Variants in LMBR1 observed in about 807,000 individuals in gnomAD.
LMBR1 encodes the protein limb development membrane protein 1.
LMBR1 carries 52 observed loss-of-function variants against 73.9 expected under a neutral mutation model. The ratio of observed to expected loss-of-function variants is 0.70; its 90% CI spans 0.56 to 0.89. The LOEUF (loss-of-function observed/expected upper bound fraction) is 0.89, where lower values mean the gene tolerates loss of function less well. LMBR1 is among the 40% of genes least tolerant of loss of function. The probability of loss-of-function intolerance (pLI) is 0.00; values close to 1 mark genes in which losing one functional copy is unlikely to be tolerated. For synonymous variants in LMBR1, 215 were observed against 209.4 expected (o/e 1.03, Z -0.23); for missense variants, 539 against 579.8 (o/e 0.93, Z 0.72).
chr7:156,886,645 G>A (rs1314922472), intron 1 of LMBR1, among the ~76,000 whole-genome samples: 5 of 152,230 alleles, frequency 3.3e-5, no homozygotes, highest in African/African-American at 1.2e-4. Context: ...GGGTCTGGCA[G>A]TGAGTGAGCT....
chr7:156,750,212 T>C (rs965256168), intron 9 of LMBR1, among the ~76,000 whole-genome samples: 3 of 152,224 alleles, frequency 2.0e-5, no homozygotes, highest in Non-Finnish European at 4.4e-5. Context: ...CCATAGGCTA[T>C]ACACACACAA....
At chr7:156,835,637 G>A (rs574670695) in intron 2 of LMBR1, among the ~76,000 whole-genome samples, 1 of 148,296 alleles carries the variant, frequency 6.7e-6, no homozygotes, top group East Asian at 2.0e-4. Context: ...GGAGGCTGCA[G>A]TAAGCCGAGA....
chr7:156,707,780 C>G (rs1195883446), intron 15 of LMBR1, among the ~76,000 whole-genome samples: 1 of 152,062 alleles, frequency 6.6e-6, no homozygotes, highest in African/African-American at 2.4e-5. Flanking sequence ...TGGAAAAAGA[C>G]AAGGATGTCA....
intron 9 of LMBR1, among the ~76,000 whole-genome samples, chr7:156,740,640 T>A (rs1266088312): frequency 6.6e-6 from 1 of 152,150 alleles, no homozygotes; most frequent in Non-Finnish European, 1.5e-5. Context: ...GAATAGTATA[T>A]CTGGTGAAAA....
intron 4 of LMBR1, among the ~76,000 whole-genome samples, chr7:156,815,326 C>A (rs1833746386): frequency 6.6e-6 from 1 of 151,830 alleles, no homozygotes; most frequent in Non-Finnish European, 1.5e-5. Context: ...ATTTAACCAG[C>A]AAAACCTATA....
intron 9 of LMBR1, among the ~76,000 whole-genome samples, chr7:156,739,214 G>A (rs1216928986): frequency 9.2e-5 from 14 of 152,156 alleles, no homozygotes. Flanking sequence ...GCTGGCAGTG[G>A]CAGGAGCAGG....
At chr7:156,812,810 C>T (rs1300909855) in intron 4 of LMBR1, among the ~76,000 whole-genome samples, 1 of 152,204 alleles carries the variant, frequency 6.6e-6, no homozygotes, top group Non-Finnish European at 1.5e-5. Flanking sequence ...CTTTCCAGTA[C>T]TCTGCCTGGT....
At chr7:156,690,335 G>T (rs149665332) in intron 15 of LMBR1, among the ~76,000 whole-genome samples, 1 of 152,110 alleles carries the variant, frequency 6.6e-6, no homozygotes, top group Non-Finnish European at 1.5e-5. Context: ...ACAGTCCAAC[G>T]ACTTACTTTA....
At chr7:156,801,185 T>C (rs548616468) in intron 4 of LMBR1, among the ~76,000 whole-genome samples, 2 of 152,298 alleles carry the variant, frequency 1.3e-5, no homozygotes, top group South Asian at 4.1e-4. Flanking sequence ...AAATCTTTTG[T>C]GAAAGGAAGA....
intron 3 of LMBR1, among the ~76,000 whole-genome samples, chr7:156,827,767 T>C (rs184001893): frequency 1.0e-3 from 155 of 152,314 alleles, no homozygotes; most frequent in African/African-American, 3.2e-3. Context: ...CAGAGAAACT[T>C]TGAGGCCAAT....
chr7:156,709,245 C>G (rs1248262913), intron 15 of LMBR1, among the ~76,000 whole-genome samples: 1 of 152,196 alleles, frequency 6.6e-6, no homozygotes, highest in Non-Finnish European at 1.5e-5. Context: ...ACCAACTGGC[C>G]AACCACATCA....
chr7:156,670,867 CCA>C lies in LMBR1; in HGVS notation n.867-1582_867-1581del, dbSNP rs1360437346. Reference sequence around the variant, plus strand: ...CCTTGCATGAGGAAGGAAAATGGCCCCAGACGGGAAATCTGAGATGTCAGTGG... The same window carrying C: ...CCTTGCATGAGGAAGGAAAATGGCCCGACGGGAAATCTGAGATGTCAGTGG... On this transcript the variant is annotated intron_variant and non_coding_transcript_variant, in intron 4 of 4. Coordinates refer to the LMBR1 transcript ENST00000430825. The surrounding 1 kb of genome is among the most constrained non-coding windows in gnomAD (Gnocchi z 4.3). 6.6e-6 allele frequency among the ~76,000 whole-genome samples: 1 copy of C among 152,114 alleles called. No homozygotes were observed. The highest frequency in any genetic ancestry group is 1.5e-5 in the Non-Finnish European group (1 of 68,034).
intron 9 of LMBR1, among the ~76,000 whole-genome samples, chr7:156,741,013 G>A (rs1033772508): frequency 2.0e-5 from 3 of 152,166 alleles, no homozygotes; most frequent in Non-Finnish European, 4.4e-5. Context: ...GTGTGGGGAC[G>A]AAGTTAAAGT....
chr7:156,713,246 G>C (rs1169947301), intron 15 of LMBR1, among the ~76,000 whole-genome samples: 1 of 152,026 alleles, frequency 6.6e-6, no homozygotes, highest in Non-Finnish European at 1.5e-5. Context: ...GAGAGAGAGA[G>C]GGATAAATAG....
chr7:156,777,214 C>A (rs1372987313), intron 5 of LMBR1, among the ~76,000 whole-genome samples: 1 of 152,200 alleles, frequency 6.6e-6, no homozygotes, highest in East Asian at 1.9e-4. Context: ...GGATTACAGG[C>A]ATCAGTCACC....
rs1020700981 is a variant in LMBR1 at position 156,678,617 on chromosome 7, G to A, written c.*5461C>T. The A allele has an allele frequency of 6.6e-6, 1 of 152,120 alleles. No individual in the cohort carries two copies. Among genetic ancestry groups the A allele is most frequent in the Non-Finnish European group, 1.5e-5 (1 of 68,032 alleles). 9.4% of individuals were successfully genotyped at this position (152,120 alleles called of 1,614,324 possible). A position where few individuals can be genotyped will look rare whatever the true frequency, so the allele number is the denominator to read the frequency against. On this transcript the variant is annotated 3_prime_UTR_variant, in exon 17 of 17. Coordinates refer to ENST00000353442, the MANE Select transcript of LMBR1 (RefSeq NM_022458.4). ...GGGACACTGACCAAGAAAGAGTGGG[G>A]CCTTTGGAAACATGAGTTCATGGGA...
intron 1 of LMBR1, among the ~76,000 whole-genome samples, chr7:156,847,945 AC>A (rs1795724159): frequency 6.6e-6 from 1 of 152,154 alleles, no homozygotes; most frequent in Admixed American, 6.5e-5. Context: ...AAAACTATCC[AC>A]ACAAGAACTT....
rs1419673252 is a variant in LMBR1 at position 156,681,883 on chromosome 7, A to T, written c.*2195T>A. 1 of 152,308 alleles carries T rather than the reference A, an allele frequency of 6.6e-6. No homozygotes were observed. The highest frequency in any genetic ancestry group is 1.5e-5 in the Non-Finnish European group (1 of 68,102). The allele number at this position is 152,308 out of a possible 1,614,324, so 9.4% of individuals were successfully genotyped here. ...CTGGCATCCATTTCTGGAGTTCGTC[A>T]TATAAAGCAGCCTCCGACCTAGCTC... On this transcript the variant is annotated 3_prime_UTR_variant, in exon 17 of 17. Coordinates refer to ENST00000353442, the MANE Select transcript of LMBR1 (RefSeq NM_022458.4).
rs753379576 is a variant in LMBR1 at position 156,892,919 on chromosome 7, C to A, written c.66+9G>T. On this transcript the variant is annotated intron_variant, in intron 1 of 16. Transcript: ENST00000353442. ...CGGGACTGTCAGGGCTGCCTCGGTC[C>A]CCACGCACCGTGGACTCCCGCACTT... 6.6e-7 allele frequency: 1 copy of A among 1,516,122 alleles called. No individual in the cohort carries two copies. The highest frequency in any genetic ancestry group is 8.8e-7 in the Non-Finnish European group (1 of 1,139,426). 93.9% of individuals were successfully genotyped at this position (1,516,122 alleles called of 1,614,324 possible). A position where few individuals can be genotyped will look rare whatever the true frequency, so the allele number is the denominator to read the frequency against.
Sources: gnomAD v4.1 joint callset for allele counts (sites outside exome capture counted in the v4.1 genomes callset) on GRCh38, gnomAD v4.1.1 for gene constraint, Gnocchi (gnomAD v3.1) non-coding constraint, MANE v1.5 for transcripts, NCBI Gene and HGNC (gene_info 2026-07-23, HGNC 2026-07-21) for gene names.